The following CCDC150 variants were observed in gnomAD, a reference collection of about 807,000 sequenced individuals.
CCDC150 encodes the protein coiled-coil domain containing 150, also known as coiled-coil domain-containing protein 150.
A neutral mutation model predicts 156.5 loss-of-function variants in CCDC150; 151 were observed. That is an observed-to-expected ratio of 0.97 (90% CI 0.85 to 1.10). The LOEUF (loss-of-function observed/expected upper bound fraction) is 1.10, where lower values mean the gene tolerates loss of function less well. Ranked by LOEUF, CCDC150 falls within the 50% of genes least tolerant of loss-of-function variation. CCDC150 has a pLI of 0.00. For missense variants in CCDC150, 1,312 were observed against 1,268.1 expected, an observed-to-expected ratio of 1.03 and a Z score of -0.53; for synonymous variants, 452 against 429.4, an observed-to-expected ratio of 1.05 and a Z score of -0.65.
rs1474575426 is a variant in CCDC150 at position 196,646,348 on chromosome 2, T to C, written c.20T>C (p.Met7Thr). MDCKVH[M>T]ETTVSRPVLS... ...TTGTGACTGTATTCTTAGGTACATA[T>C]GGAAACTACAGTGTCCAGACCGGTC... Residue 7 changes from methionine to threonine, a missense_variant, in exon 2 of 28, where the codon ATG (methionine) becomes ACG (threonine). Coordinates refer to ENST00000389175, the MANE Select transcript of CCDC150 (RefSeq NM_001080539.2). The C allele has an allele frequency of 6.2e-7, 1 of 1,613,742 alleles. No individual in the cohort carries two copies. The highest frequency in any genetic ancestry group is 8.5e-7 in the Non-Finnish European group (1 of 1,179,652).
chr2:196,687,465 T>G (rs1695186852), intron 13 of CCDC150, among the ~76,000 whole-genome samples: 1 of 152,224 alleles, frequency 6.6e-6, no homozygotes, highest in Admixed American at 6.5e-5. Flanking sequence ...TTAATGAGGT[T>G]GTCTTTTTCT....
chr2:196,662,307 G>A (rs1032938266), intron 5 of CCDC150, among the ~76,000 whole-genome samples: 7 of 152,038 alleles, frequency 4.6e-5, no homozygotes, highest in African/African-American at 9.7e-5. Context: ...TATATAAAAA[G>A]CAAAACTAAT....
At chr2:196,721,123 G>A (rs945378504) in intron 20 of CCDC150, among the ~76,000 whole-genome samples, 3 of 151,102 alleles carry the variant, frequency 2.0e-5, no homozygotes, top group African/African-American at 7.3e-5. Context: ...TTTTTTTTCT[G>A]TAAGAATCTA....
At position 196,677,287 on chromosome 2, in the gene CCDC150, G is replaced by T. The variant is rs748543164; in HGVS notation, c.1441-6G>T. 43 of 1,560,978 alleles carry T rather than the reference G, an allele frequency of 2.8e-5. No homozygotes were observed. Among genetic ancestry groups the T allele is most frequent in the Non-Finnish European group, 3.7e-5 (42 of 1,150,314 alleles). ...ATTCCTTTTTTTTCCCATCCTCCTT[G>T]GGCAGGTTAATAAAACAGAAAAAGA... On this transcript the variant is annotated splice_region_variant and splice_polypyrimidine_tract_variant and intron_variant, in intron 12 of 27. Coordinates refer to ENST00000389175, the MANE Select transcript of CCDC150 (RefSeq NM_001080539.2).
At chr2:196,665,530 T>C (rs1200387697) in intron 5 of CCDC150, 37 bp from the exon 6 acceptor site, 6 of 1,237,576 alleles carry the variant, frequency 4.8e-6, no homozygotes, top group Non-Finnish European at 6.9e-6. Context: ...ACTAGTATGA[T>C]CAATTGGTCT....
Position 196,666,708 on chromosome 2 carries a change from T to C in CCDC150, c.763-11T>C, listed in dbSNP as rs746045542. On this transcript the variant is annotated splice_polypyrimidine_tract_variant and intron_variant, in intron 6 of 27. Coordinates refer to ENST00000389175, the MANE Select transcript of CCDC150 (RefSeq NM_001080539.2). ...TCTCACAGAAAAAGAGTTTTTCTTATACAATTTCAGGTGCACATTTTGCAG... is the reference window on the plus strand; with the variant it reads ...TCTCACAGAAAAAGAGTTTTTCTTACACAATTTCAGGTGCACATTTTGCAG... The C allele has an allele frequency of 2.3e-5, 36 of 1,583,686 alleles. No individual in the cohort carries two copies. Among genetic ancestry groups the C allele is most frequent in the Non-Finnish European group, 2.7e-5 (31 of 1,167,478 alleles).
intron 8 of CCDC150, among the ~76,000 whole-genome samples, chr2:196,671,010 C>T (rs1486173794): frequency 1.3e-5 from 2 of 152,102 alleles, no homozygotes; most frequent in African/African-American, 4.8e-5. Context: ...TTTACATCCC[C>T]CACCAGAGTG....
chr2:196,678,277 G>A (rs1319648564), intron 13 of CCDC150, among the ~76,000 whole-genome samples: 1 of 152,182 alleles, frequency 6.6e-6, no homozygotes, highest in Admixed American at 6.5e-5. Flanking sequence ...TAGGTATTGG[G>A]TATAGTCATC....
At chr2:196,722,890 A>AG (rs974446764) in intron 21 of CCDC150, among the ~76,000 whole-genome samples, 12 of 152,186 alleles carry the variant, frequency 7.9e-5, no homozygotes, top group African/African-American at 2.9e-4. Flanking sequence ...GAAAAAAAAA[A>AG]TGATTAGGTC....
At chr2:196,678,587 G>A (rs1411792355) in intron 13 of CCDC150, among the ~76,000 whole-genome samples, 1 of 152,150 alleles carries the variant, frequency 6.6e-6, no homozygotes, top group Admixed American at 6.5e-5. Context: ...ATTAAATTCA[G>A]TAATGCTTTT....
At chr2:196,685,726 C>G (rs1320181541) in intron 13 of CCDC150, among the ~76,000 whole-genome samples, 2 of 151,948 alleles carry the variant, frequency 1.3e-5, no homozygotes, top group Non-Finnish European at 2.9e-5. Flanking sequence ...ATTCTCCTGC[C>G]TCAGCCTCCC....
intron 26 of CCDC150, among the ~76,000 whole-genome samples, chr2:196,731,671 C>T (rs1698531026): frequency 1.3e-5 from 2 of 151,998 alleles, no homozygotes; most frequent in Non-Finnish European, 2.9e-5. Context: ...AGGTGTGAAC[C>T]ACCACACCTG....
chr2:196,667,206 T>A, intron 7 of CCDC150: 1 of 298,082 alleles, frequency 3.4e-6, no homozygotes, highest in Non-Finnish European at 6.4e-6. Flanking sequence ...AGGCCATGAA[T>A]CCTTGATGAC....
At chr2:196,640,452 T>C (rs1692146476) in intron 1 of CCDC150, among the ~76,000 whole-genome samples, 2 of 152,192 alleles carry the variant, frequency 1.3e-5, no homozygotes, top group Admixed American at 1.3e-4. Flanking sequence ...TATCCCGCCT[T>C]ATGGTTTTCT....
chr2:196,690,918 A>G (rs1695423077), intron 13 of CCDC150, among the ~76,000 whole-genome samples: 1 of 152,020 alleles, frequency 6.6e-6, no homozygotes, highest in Non-Finnish European at 1.5e-5. Context: ...ACGTGAAGGG[A>G]TGTTGAATTT....
intron 14 of CCDC150, among the ~76,000 whole-genome samples, chr2:196,699,604 C>T (rs533221425): frequency 2.0e-5 from 3 of 151,686 alleles, no homozygotes; most frequent in South Asian, 2.1e-4. Context: ...AGTGTAGCCT[C>T]GACCAGCTGG....
At chr2:196,693,579 A>G (rs1398294301) in intron 13 of CCDC150, among the ~76,000 whole-genome samples, 2 of 152,254 alleles carry the variant, frequency 1.3e-5, no homozygotes, top group East Asian at 3.9e-4. Context: ...AGACAATCAT[A>G]TGTCTCGAGT....
intron 13 of CCDC150, among the ~76,000 whole-genome samples, chr2:196,686,523 G>A (rs1695139249): frequency 1.3e-5 from 2 of 152,098 alleles, no homozygotes; most frequent in Admixed American, 1.3e-4. Flanking sequence ...TTCTAATACA[G>A]TTAGGTTGTC....
At position 196,723,923 on chromosome 2, in the gene CCDC150, T is replaced by C. The variant is rs544867091; in HGVS notation, c.2430-2050T>C. ...AAGAGCATAACATGAAGAAAAGTTA[T>C]TCTGCTGCTGCCCTGTTTTTAGAAT... On this transcript the variant is annotated intron_variant, in intron 21 of 27. Transcript: ENST00000389175. 1.2e-4 allele frequency among the ~76,000 whole-genome samples: 19 copies of C among 152,352 alleles called. 1 individual carries two copies. In the Middle Eastern group the frequency reaches 0.02, roughly 164 times the overall value.
Sources: gnomAD v4.1 joint callset for allele counts (sites outside exome capture counted in the v4.1 genomes callset) on GRCh38, gnomAD v4.1.1 for gene constraint, MANE v1.5 for transcripts, NCBI Gene and HGNC (gene_info 2026-07-23, HGNC 2026-07-21) for gene names.